The following ZFHX2 variants were observed in gnomAD, a reference collection of about 807,000 sequenced individuals.
ZFHX2 encodes the protein zinc finger homeobox 2.
In ZFHX2, 75 loss-of-function variants were observed where a neutral mutation model predicts 164.8. The observed-to-expected ratio is 0.46, with a 90% CI of 0.38 to 0.55. The LOEUF (loss-of-function observed/expected upper bound fraction) is 0.55. Among genes scored for constraint, ZFHX2 ranks in the 20% least tolerant of loss-of-function variants. ZFHX2 has a pLI of 0.00. For missense variants in ZFHX2, 2,933 were observed against 3,308.0 expected, an observed-to-expected ratio of 0.89 and a Z score of 2.78; for synonymous variants, 1,217 against 1,351.4, an observed-to-expected ratio of 0.90 and a Z score of 2.18.
intron 1 of ZFHX2, among the ~76,000 whole-genome samples, chr14:23,545,214 C>T (rs1310442639): frequency 1.3e-5 from 2 of 152,160 alleles, no homozygotes; most frequent in East Asian, 1.9e-4. Flanking sequence ...ACTTCATTAT[C>T]GTCGTTAATT....
upstream of ZFHX2, among the ~76,000 whole-genome samples, chr14:23,555,539 G>A (rs1043503651): frequency 6.6e-6 from 1 of 152,028 alleles, no homozygotes; most frequent in Non-Finnish European, 1.5e-5. Flanking sequence ...TTTAGTTCCT[G>A]GCCAAAATAC....
Position 23,535,058 on chromosome 14 carries a change from G to A in ZFHX2, c.268C>T (p.Pro90Ser). The A allele has an allele frequency of 6.5e-7, 1 of 1,536,210 alleles. No individual in the cohort carries two copies. Among genetic ancestry groups the A allele is most frequent in the Non-Finnish European group, 8.7e-7 (1 of 1,146,918 alleles). ...PDCGHFPPND[P>S]GVEKDKEQEE... ...TGCTCCTTGTCCTTTTCCACCCCTGGGTCATTTGGTGGGAAGTGACCACAG... is the reference window on the plus strand; with the variant it reads ...TGCTCCTTGTCCTTTTCCACCCCTGAGTCATTTGGTGGGAAGTGACCACAG... The change falls in exon 2 of 10, where the codon CCA becomes TCA. Residue 90 changes from proline (P) to serine (S), a missense_variant. Pro to Ser is a moderately conservative substitution (Grantham distance 74, BLOSUM62 -1). Transcript: ENST00000419474. This position sits in a 1 kb window ranked among gnomAD's most constrained non-coding sequence, Gnocchi z 4.5.
At position 23,527,628 on chromosome 14, in the gene ZFHX2, C is replaced by T; in HGVS notation, c.3111G>A (p.Glu1037=). ...CTACAAGCAGCAGCTTCTCAACGCACTCGGGCACCACGTTGTGAAGGTGGC... is the reference window on the plus strand; with the variant it reads ...CTACAAGCAGCAGCTTCTCAACGCATTCGGGCACCACGTTGTGAAGGTGGC... ...HLSHLHNVVP[E]CVEKLLLVAT... is the part of the protein sequence containing the mutation. The change falls in exon 7 of 10, where the codon GAG becomes GAA. Residue 1037 remains glutamate (E), a synonymous_variant. Coordinates refer to ENST00000419474, the MANE Select transcript of ZFHX2 (RefSeq NM_033400.3). The T allele has an allele frequency of 3.3e-6, 5 of 1,536,632 alleles. No homozygotes were observed. The highest frequency in any genetic ancestry group is 4.4e-6 in the Non-Finnish European group (5 of 1,146,982).
chr14:23,549,025 T>C (rs1480047313), intron 1 of ZFHX2, among the ~76,000 whole-genome samples: 2 of 152,166 alleles, frequency 1.3e-5, no homozygotes, highest in Non-Finnish European at 2.9e-5. Context: ...CTTTGTACCA[T>C]ACTCTCTTCC....
intron 1 of ZFHX2, among the ~76,000 whole-genome samples, chr14:23,550,972 C>A (rs891533039): frequency 6.6e-6 from 1 of 152,190 alleles, no homozygotes; most frequent in African/African-American, 2.4e-5. Context: ...CCCCTTCCCC[C>A]CGGGATCCCC....
At position 23,522,182 on chromosome 14, in the gene ZFHX2, C is replaced by T; in HGVS notation, c.7499G>A (p.Cys2500Tyr). Residue 2500 changes from cysteine (C) to tyrosine (Y), a missense_variant, in exon 10 of 10, where the codon TGT (cysteine) becomes TAT (tyrosine). Transcript: ENST00000419474. ...TTCACGCCCACTCAGCAGCACCTCA[C>T]ATGCCAGGCAGTGGTAGGTGCAGAT... is the stretch of plus-strand genomic sequence containing the variant. ...VPICTYHCLACEVLLSGREAL... is the reference protein window; with the variant it reads ...VPICTYHCLAYEVLLSGREAL... 3 of 1,493,164 alleles carry T rather than the reference C, an allele frequency of 2.0e-6. No homozygotes were observed. Among genetic ancestry groups the T allele is most frequent in the Non-Finnish European group, 2.7e-6 (3 of 1,125,642 alleles). 92.5% of individuals were successfully genotyped at this position (1,493,164 alleles called of 1,614,324 possible).
At position 23,527,613 on chromosome 14, in the gene ZFHX2, C is replaced by G. The variant is rs548713757; in HGVS notation, c.3126G>C (p.Leu1042=). 1.3e-6 allele frequency: 2 copies of G among 1,536,650 alleles called. No individual in the cohort carries two copies. The highest frequency in any genetic ancestry group is 1.7e-4 in the Middle Eastern group (1 of 5,992). The change falls in exon 7 of 10, where the codon CTG becomes CTC. Residue 1042 remains leucine, a synonymous_variant. Coordinates refer to ENST00000419474, the MANE Select transcript of ZFHX2 (RefSeq NM_033400.3). The part of the protein sequence containing the change: ...HNVVPECVEK[L]LLVATTVEMT... Reference sequence around the variant, plus strand: ...CCCAGCCTGTACTCACTACAAGCAGCAGCTTCTCAACGCACTCGGGCACCA... The same window carrying G: ...CCCAGCCTGTACTCACTACAAGCAGGAGCTTCTCAACGCACTCGGGCACCA...
chr14:23,550,547 G>A (rs1308529941), intron 1 of ZFHX2, among the ~76,000 whole-genome samples: 2 of 152,200 alleles, frequency 1.3e-5, no homozygotes, highest in African/African-American at 4.8e-5. Flanking sequence ...GAAGAGACAA[G>A]ATGAAGAACA....
chr14:23,545,003 G>C (rs560576340), intron 1 of ZFHX2, among the ~76,000 whole-genome samples: 1 of 151,390 alleles, frequency 6.6e-6, no homozygotes, highest in Admixed American at 6.6e-5. Flanking sequence ...CTTCGATTCT[G>C]GGCTCCTCTT....
At position 23,522,176 on chromosome 14, in the gene ZFHX2, A is replaced by G; in HGVS notation, c.7505T>C (p.Val2502Ala). ...TAGGGCTTCACGCCCACTCAGCAGC[A>G]CCTCACATGCCAGGCAGTGGTAGGT... ...ICTYHCLACE[V>A]LLSGREALAS... The change falls in exon 10 of 10, where the codon GTG becomes GCG. Residue 2502 changes from valine (V) to alanine (A), a missense_variant. Coordinates refer to ENST00000419474, the MANE Select transcript of ZFHX2 (RefSeq NM_033400.3). The G allele has an allele frequency of 6.7e-7, 1 of 1,495,988 alleles. No individual in the cohort carries two copies. Among genetic ancestry groups the G allele is most frequent in the Non-Finnish European group, 8.9e-7 (1 of 1,127,034 alleles). The allele number at this position is 1,495,988 out of a possible 1,614,324, so 92.7% of individuals were successfully genotyped here. A position where few individuals can be genotyped will look rare whatever the true frequency, so the allele number is the denominator to read the frequency against.
intron 4 of ZFHX2, chr14:23,530,900 C>T: frequency 4.6e-6 from 1 of 219,286 alleles, no homozygotes; most frequent in Non-Finnish European, 9.0e-6. Flanking sequence ...CAGCCCCTTG[C>T]AGGCTCTTCT....
At chr14:23,532,039 G>A (rs1029984426) in intron 3 of ZFHX2, 3 of 198,792 alleles carry the variant, frequency 1.5e-5, no homozygotes, top group African/African-American at 4.6e-5. Flanking sequence ...GCCTCCCAAA[G>A]TGCCGGGACT....
At chr14:23,529,308 C>T (rs1350042104) in intron 6 of ZFHX2, 6 of 208,114 alleles carry the variant, frequency 2.9e-5, no homozygotes, top group Non-Finnish European at 3.9e-5. Context: ...AGGCTCAGGG[C>T]GTTTTGTAGG....
At position 23,524,176 on chromosome 14, in the gene ZFHX2, C is replaced by G. The variant is rs1035153219; in HGVS notation, c.5766G>C (p.Gly1922=). ...ERKGQFRSTP[G]GVPSPAVKPP... Reference sequence around the variant, plus strand: ...GTTTCACTGCTGGACTAGGCACCCCCCCAGGGGTGCTTCGAAACTGGCCTT... The same window carrying G: ...GTTTCACTGCTGGACTAGGCACCCCGCCAGGGGTGCTTCGAAACTGGCCTT... The change falls in exon 9 of 10, where the codon GGG becomes GGC. Residue 1922 remains glycine, a synonymous_variant. Coordinates refer to ENST00000419474, the MANE Select transcript of ZFHX2 (RefSeq NM_033400.3). This position sits in a 1 kb window ranked among gnomAD's most constrained non-coding sequence, Gnocchi z 5.6. 15 of 1,535,982 alleles carry G rather than the reference C, an allele frequency of 9.8e-6. No homozygotes were observed. Among genetic ancestry groups the G allele is most frequent in the Middle Eastern group, 1.7e-4 (1 of 6,012 alleles).
intron 1 of ZFHX2, among the ~76,000 whole-genome samples, chr14:23,537,623 G>A (rs1880326755): frequency 1.3e-5 from 2 of 152,164 alleles, no homozygotes; most frequent in Non-Finnish European, 2.9e-5. Context: ...ATCAGCACCT[G>A]GGAAAGGGGT....
In ZFHX2 at chr14:23,523,114, C is replaced by A; in HGVS notation, c.6739+89G>T. ...CAAAGGAAGGCCACAGGAGATTGGGCATGGGAAGAATCAGGAAGGAAAAGG... is the reference window on the plus strand; with the variant it reads ...CAAAGGAAGGCCACAGGAGATTGGGAATGGGAAGAATCAGGAAGGAAAAGG... On this transcript the variant is annotated intron_variant, in intron 9 of 9. Transcript: ENST00000419474. This position sits in a 1 kb window ranked among gnomAD's most constrained non-coding sequence, Gnocchi z 4.1. The A allele has an allele frequency of 7.1e-7, 1 of 1,400,934 alleles. No individual in the cohort carries two copies. Among genetic ancestry groups the A allele is most frequent in the Non-Finnish European group, 9.2e-7 (1 of 1,083,056 alleles). The allele number at this position is 1,400,934 out of a possible 1,614,324, so 86.8% of individuals were successfully genotyped here.
chr14:23,532,433 C>T (rs1285417837), intron 3 of ZFHX2, 134 bp downstream of exon 3: 1 of 1,115,962 alleles, frequency 9.0e-7, no homozygotes, highest in Admixed American at 3.5e-5. Flanking sequence ...GTACATATGT[C>T]ATTACCTGGT....
At chr14:23,531,416 C>T in intron 4 of ZFHX2, 65 bp downstream of exon 4, 2 of 1,346,262 alleles carry the variant, frequency 1.5e-6, no homozygotes, top group Non-Finnish European at 9.6e-7. Flanking sequence ...TCCGCAGCCC[C>T]CCTGCTCCCC....
rs61742913 is a variant in ZFHX2 at position 23,532,749 on chromosome 14, G to A, written c.2377C>T (p.Arg793Trp). ...GTGCCCATGGCTCCACCCCCCTCCC[G>A]CAGGTGGGCTGCCAGCTGGTACTTC... The part of the protein sequence containing the change: ...AQKYQLAAHL[R>W]EGGGAMGTPS... Residue 793 changes from arginine (R) to tryptophan (W), a missense_variant, in exon 3 of 10, where the codon CGG (arginine) becomes TGG (tryptophan). By Grantham distance (101) the Arg-to-Trp change is moderately radical. Coordinates refer to ENST00000419474, the MANE Select transcript of ZFHX2 (RefSeq NM_033400.3). 6.5e-4 allele frequency: 1,003 copies of A among 1,536,126 alleles called. 8 individuals carry two copies. In the African/African-American group the frequency reaches 0.012, roughly 19 times the overall value.
Sources: gnomAD v4.1 joint callset for allele counts (sites outside exome capture counted in the v4.1 genomes callset) on GRCh38, gnomAD v4.1.1 for gene constraint, Gnocchi (gnomAD v3.1) non-coding constraint, MANE v1.5 for transcripts, NCBI Gene and HGNC (gene_info 2026-07-23, HGNC 2026-07-21) for gene names.